RAB3B: variants seen among roughly 807,000 people sequenced by gnomAD.
RAB3B encodes RAB3B, member RAS oncogene family.
RAB3B carries 11 observed loss-of-function variants against 20.5 expected under a neutral mutation model. The ratio of observed to expected loss-of-function variants is 0.54; its 90% confidence interval spans 0.34 to 0.89. The LOEUF (loss-of-function observed/expected upper bound fraction) is 0.89, where lower values mean the gene tolerates loss of function less well. RAB3B is among the 40% of genes least tolerant of loss of function. The probability of loss-of-function intolerance (pLI) is 0.02; values close to 1 mark genes in which losing one functional copy is unlikely to be tolerated. For missense variants in RAB3B, 225 were observed against 280.9 expected (o/e 0.80, Z 1.42); for synonymous variants, 99 against 106.3 (o/e 0.93, Z 0.42).
In RAB3B at chr1:51,919,781, A is replaced by T. The variant is rs1395163602; in HGVS notation, c.*146T>A. The T allele has an allele frequency of 1.2e-5, 9 of 776,590 alleles. No homozygotes were observed. The highest frequency in any genetic ancestry group is 1.2e-5 in the Non-Finnish European group (6 of 498,344). 48.1% of individuals were successfully genotyped at this position (776,590 alleles called of 1,614,324 possible). A position where few individuals can be genotyped will look rare whatever the true frequency, so the allele number is the denominator to read the frequency against. On this transcript the variant is annotated 3_prime_UTR_variant, in exon 5 of 5. Transcript: ENST00000371655. ...ACCATCTGCAGAGAACCCCAGGGGC[A>T]GGCAAAGAATAGCAGCAACTCATCT...
At chr1:51,964,930 A>G (rs571796648) in intron 2 of RAB3B, among the ~76,000 whole-genome samples, 1 of 152,326 alleles carries the variant, frequency 6.6e-6, no homozygotes, top group East Asian at 1.9e-4. Flanking sequence ...AATCCTGTTA[A>G]GTGTTAAGAT....
intron 2 of RAB3B, among the ~76,000 whole-genome samples, chr1:51,973,909 CT>C (rs1365707724): frequency 5.3e-5 from 8 of 152,252 alleles, no homozygotes; most frequent in African/African-American, 1.7e-4. Flanking sequence ...AACAAAGACA[CT>C]TCTGTCAATC....
chr1:51,940,013 G>A lies in RAB3B; in HGVS notation c.229-2601C>T, dbSNP rs113703814. ...ATAAATAAGGAGAAAAATAATTTCA[G>A]TATGCCACTATTTTTATACAGGTTG... On this transcript the variant is annotated intron_variant, in intron 2 of 4. Transcript: ENST00000371655. Among the ~76,000 whole-genome samples the A allele has an allele frequency of 4.6e-3, 697 of 152,288 alleles. 11 individuals are homozygous for A. The highest frequency in any genetic ancestry group is 0.016 in the African/African-American group (674 of 41,558).
intron 2 of RAB3B, among the ~76,000 whole-genome samples, chr1:51,956,534 AC>A (rs1160083241): frequency 6.6e-6 from 1 of 152,012 alleles, no homozygotes; most frequent in Non-Finnish European, 1.5e-5. Context: ...AGCTCTTGCC[AC>A]CCCTCTCCAT....
chr1:51,940,996 C>T (rs1030310184), intron 2 of RAB3B, among the ~76,000 whole-genome samples: 1 of 151,920 alleles, frequency 6.6e-6, no homozygotes, highest in African/African-American at 2.4e-5. Flanking sequence ...TAAGAAAGTG[C>T]AATACTATCA....
At chr1:51,966,471 A>C (rs1186586900) in intron 2 of RAB3B, among the ~76,000 whole-genome samples, 1 of 152,156 alleles carries the variant, frequency 6.6e-6, no homozygotes, top group Admixed American at 6.5e-5. Context: ...CTCCCATGCC[A>C]GTTTGGATGG....
intron 2 of RAB3B, among the ~76,000 whole-genome samples, chr1:51,945,669 C>A (rs1684554909): frequency 6.6e-6 from 1 of 152,226 alleles, no homozygotes; most frequent in Non-Finnish European, 1.5e-5. Context: ...AGGAGCAGGG[C>A]CAGCTTCCCA....
chr1:51,936,448 C>T (rs79996799), intron 3 of RAB3B, among the ~76,000 whole-genome samples: 219 of 152,328 alleles, frequency 1.4e-3, no homozygotes, highest in African/African-American at 5.1e-3. Flanking sequence ...TCACTCTCCA[C>T]TGGAGCTACA....
intron 2 of RAB3B, among the ~76,000 whole-genome samples, chr1:51,938,808 A>G (rs1684449702): frequency 6.6e-6 from 1 of 150,716 alleles, no homozygotes; most frequent in South Asian, 2.1e-4. Flanking sequence ...CCTGAGTAGC[A>G]CACCACCACA....
intron 1 of RAB3B, among the ~76,000 whole-genome samples, chr1:51,982,151 T>C (rs962939194): frequency 2.6e-5 from 4 of 152,184 alleles, no homozygotes; most frequent in Admixed American, 1.3e-4. Flanking sequence ...GGCAGTGATA[T>C]TGATGCTCCT....
chr1:51,944,453 T>C (rs892623362), intron 2 of RAB3B, among the ~76,000 whole-genome samples: 9 of 152,202 alleles, frequency 5.9e-5, no homozygotes, highest in Admixed American at 5.9e-4. Flanking sequence ...TCAAGGCTTA[T>C]TTGGACCTGG....
At chr1:51,967,035 G>A (rs1684861097) in intron 2 of RAB3B, among the ~76,000 whole-genome samples, 1 of 152,184 alleles carries the variant, frequency 6.6e-6, no homozygotes, top group South Asian at 2.1e-4. Context: ...GACTGAGGCT[G>A]GGCACAGTGG....
At chr1:51,945,292 C>T (rs560748165) in intron 2 of RAB3B, among the ~76,000 whole-genome samples, 1 of 152,318 alleles carries the variant, frequency 6.6e-6, no homozygotes, top group Admixed American at 6.5e-5. Flanking sequence ...CCACCTCAGC[C>T]TCCCAAAGTG....
intron 2 of RAB3B, among the ~76,000 whole-genome samples, chr1:51,948,281 A>AG (rs2124272097): frequency 6.6e-6 from 1 of 152,320 alleles, no homozygotes. Context: ...CTCTTTCACA[A>AG]GGCTACTTCA....
intron 2 of RAB3B, among the ~76,000 whole-genome samples, chr1:51,955,450 G>A (rs1399417714): frequency 6.6e-6 from 1 of 151,942 alleles, no homozygotes; most frequent in Non-Finnish European, 1.5e-5. Context: ...GGAGTGCAGT[G>A]GCGCAATCTT....
intron 3 of RAB3B, among the ~76,000 whole-genome samples, chr1:51,935,267 C>A (rs1557965421): frequency 6.6e-6 from 1 of 152,236 alleles, no homozygotes; most frequent in African/African-American, 2.4e-5. Flanking sequence ...TACCACCAAC[C>A]TTCTCATTTA....
intron 3 of RAB3B, 71 bp downstream of exon 3, chr1:51,937,223 T>C (rs1400283990): frequency 8.1e-7 from 1 of 1,237,964 alleles, no homozygotes; most frequent in East Asian, 2.4e-5. Flanking sequence ...CAGCACACAA[T>C]ACAGGACCTA....
At chr1:51,976,833 G>A in intron 2 of RAB3B, 57 bp downstream of exon 2, 1 of 1,501,234 alleles carries the variant, frequency 6.7e-7, no homozygotes, top group African/African-American at 1.4e-5. Context: ...CTAAGCCCTT[G>A]TACTGGCAGG....
chr1:51,918,873 C>A lies in RAB3B; in HGVS notation c.*1054G>T, dbSNP rs1468753634. On this transcript the variant is annotated 3_prime_UTR_variant, in exon 5 of 5. Coordinates refer to ENST00000371655, the MANE Select transcript of RAB3B (RefSeq NM_002867.4). ...CTCATGATCTGTTTCTTGATCTTGC[C>A]TGTTTCTCTTTTTCTCTGTTTGTCT... 1 of 152,158 alleles carries A rather than the reference C, an allele frequency of 6.6e-6. No homozygotes were observed. The allele number at this position is 152,158 out of a possible 1,614,324, so 9.4% of individuals were successfully genotyped here. A position where few individuals can be genotyped will look rare whatever the true frequency, so the allele number is the denominator to read the frequency against.
Sources: allele counts gnomAD v4.1 joint callset (sites outside exome capture counted in the v4.1 genomes callset), GRCh38; gene constraint gnomAD v4.1.1; transcripts MANE v1.5; gene names NCBI Gene and HGNC (gene_info 2026-07-23, HGNC 2026-07-21).